Variants in STK3 observed in about 807,000 individuals in gnomAD.
The protein encoded by STK3 is serine/threonine kinase 3.
Under a neutral mutation model 58.0 loss-of-function variants are expected in STK3, and 41 were observed. The observed-to-expected ratio is 0.71, with a 90% CI of 0.55 to 0.92. The LOEUF (loss-of-function observed/expected upper bound fraction) is 0.92. Among genes scored for constraint, STK3 ranks in the 40% least tolerant of loss-of-function variants. STK3 has a pLI of 0.00. For missense variants in STK3, 479 were observed against 602.7 expected, an observed-to-expected ratio of 0.79 and a Z score of 2.15; for synonymous variants, 170 against 191.0, an observed-to-expected ratio of 0.89 and a Z score of 0.91.
intron 1 of STK3, among the ~76,000 whole-genome samples, chr8:98,824,368 A>C (rs190433737): frequency 1.3e-5 from 2 of 152,326 alleles, no homozygotes; most frequent in East Asian, 3.9e-4. Context: ...CAGTACAGCT[A>C]ATCAATAGAG....
chr8:98,894,398 AATC>A (rs1455211031), intron 1 of STK3, among the ~76,000 whole-genome samples: 1 of 152,178 alleles, frequency 6.6e-6, no homozygotes, highest in African/African-American at 2.4e-5. Context: ...GTACATCATT[AATC>A]TCCTAGTCAC....
At chr8:98,422,380 T>G (rs1818183513) in intron 3 of STK3, among the ~76,000 whole-genome samples, 1 of 152,144 alleles carries the variant, frequency 6.6e-6, no homozygotes, top group African/African-American at 2.4e-5. Flanking sequence ...CTCGCTCTCC[T>G]GCCTCCCTCA....
intron 1 of STK3, among the ~76,000 whole-genome samples, chr8:98,779,806 C>T (rs1030823494): frequency 6.6e-6 from 1 of 152,100 alleles, no homozygotes; most frequent in Non-Finnish European, 1.5e-5. Flanking sequence ...CAGTCTTTTG[C>T]TTATGGACAT....
chr8:98,504,103 T>C (rs1586726768), intron 10 of STK3, among the ~76,000 whole-genome samples: 1 of 151,892 alleles, frequency 6.6e-6, no homozygotes, highest in Admixed American at 6.6e-5. Flanking sequence ...TTTAGGATAG[T>C]TAGCTCTTCT....
At chr8:98,675,375 T>C (rs1823124665) in intron 6 of STK3, among the ~76,000 whole-genome samples, 1 of 152,224 alleles carries the variant, frequency 6.6e-6, no homozygotes, top group Non-Finnish European at 1.5e-5. Context: ...AGATGTGATT[T>C]TCTTGCACGT....
chr8:98,586,730 A>T (rs1814641856), intron 7 of STK3, among the ~76,000 whole-genome samples: 1 of 151,394 alleles, frequency 6.6e-6, no homozygotes, highest in African/African-American at 2.4e-5. Context: ...CTGGTCCTGG[A>T]CTCTTTTTGG....
intron 1 of STK3, among the ~76,000 whole-genome samples, chr8:98,776,744 T>C (rs1288835233): frequency 6.6e-6 from 1 of 150,602 alleles, no homozygotes; most frequent in Non-Finnish European, 1.5e-5. Context: ...GGATTCTGTA[T>C]GTCAAGATAA....
intron 4 of STK3, among the ~76,000 whole-genome samples, chr8:98,710,486 G>A (rs1055770680): frequency 1.3e-5 from 2 of 152,238 alleles, no homozygotes; most frequent in African/African-American, 4.8e-5. Context: ...GGCACACCAG[G>A]AGATTATATC....
intron 4 of STK3, among the ~76,000 whole-genome samples, chr8:98,735,046 T>C (rs1828471905): frequency 6.6e-6 from 1 of 152,234 alleles, no homozygotes; most frequent in Non-Finnish European, 1.5e-5. Flanking sequence ...ATACTTTTTA[T>C]GGCTTGTCTT....
At chr8:98,709,836 A>T (rs1430208955) in intron 4 of STK3, among the ~76,000 whole-genome samples, 1 of 152,190 alleles carries the variant, frequency 6.6e-6, no homozygotes, top group Non-Finnish European at 1.5e-5. Flanking sequence ...TGTCATACTC[A>T]AAGCAGTAAG....
intron 1 of STK3, among the ~76,000 whole-genome samples, chr8:98,927,049 C>A (rs1173587116): frequency 6.6e-6 from 1 of 152,148 alleles, no homozygotes; most frequent in Non-Finnish European, 1.5e-5. Context: ...GAGTTCTAGG[C>A]AGGATAACCA....
chr8:98,480,733 C>T (rs549362845), intron 10 of STK3, among the ~76,000 whole-genome samples: 12 of 152,284 alleles, frequency 7.9e-5, no homozygotes, highest in African/African-American at 2.2e-4. Context: ...ATGCTGTACA[C>T]GACTGTCCTC....
At chr8:98,591,041 T>C (rs1285721198) in intron 7 of STK3, among the ~76,000 whole-genome samples, 2 of 152,234 alleles carry the variant, frequency 1.3e-5, no homozygotes, top group Non-Finnish European at 2.9e-5. Context: ...AGATAGTCCC[T>C]GACTTACAAA....
At chr8:98,878,459 C>T (rs1009428330) in intron 3 of STK3, among the ~76,000 whole-genome samples, 2 of 152,154 alleles carry the variant, frequency 1.3e-5, no homozygotes, top group Admixed American at 6.5e-5. Flanking sequence ...TCACCTGCAC[C>T]ACCCTGACTC....
At chr8:98,896,416 A>C (rs945873207) in intron 1 of STK3, among the ~76,000 whole-genome samples, 4 of 152,198 alleles carry the variant, frequency 2.6e-5, no homozygotes, top group African/African-American at 9.6e-5. Context: ...AGTGAGGGAC[A>C]CCCAGAATCT....
At chr8:98,799,085 T>A (rs1833358953) in intron 1 of STK3, among the ~76,000 whole-genome samples, 2 of 152,194 alleles carry the variant, frequency 1.3e-5, no homozygotes, top group Non-Finnish European at 2.9e-5. Context: ...ACCCAGTCTA[T>A]GGCATTTTGT....
At chr8:98,693,728 T>C (rs1824598766) in intron 6 of STK3, among the ~76,000 whole-genome samples, 1 of 152,174 alleles carries the variant, frequency 6.6e-6, no homozygotes, top group Admixed American at 6.6e-5. Flanking sequence ...CCAAGGTATC[T>C]ACAAATACCT....
At chr8:98,864,262 A>G (rs1438173184) in intron 3 of STK3, among the ~76,000 whole-genome samples, 4 of 151,642 alleles carry the variant, frequency 2.6e-5, no homozygotes, top group Admixed American at 2.0e-4. Flanking sequence ...TTTGTCATCA[A>G]TCTTCCTCCT....
At chr8:98,348,369 T>C in the STK3 span, among the ~76,000 whole-genome samples, 8 of 152,174 alleles carry the variant, frequency 5.3e-5, no homozygotes, top group Non-Finnish European at 1.5e-5. Context: ...GCAATAACTT[T>C]TAGATGCAAC....
Sources: allele counts gnomAD v4.1 joint callset (sites outside exome capture counted in the v4.1 genomes callset), GRCh38; gene constraint gnomAD v4.1.1; transcripts MANE v1.5; gene names NCBI Gene and HGNC (gene_info 2026-07-23, HGNC 2026-07-21).